The following UBE4A variants were observed in gnomAD, a reference collection of about 807,000 sequenced individuals.
UBE4A encodes ubiquitin conjugation factor E4 A.
UBE4A carries 48 observed loss-of-function variants against 117.9 expected under a neutral mutation model. The observed-to-expected ratio is 0.41, with a 90% CI of 0.32 to 0.52. UBE4A has a LOEUF of 0.52. UBE4A is among the 20% of genes least tolerant of loss of function. The probability of loss-of-function intolerance (pLI) is 0.33; values close to 1 mark genes in which losing one functional copy is unlikely to be tolerated. For synonymous variants in UBE4A, 407 were observed against 450.0 expected (o/e 0.90, Z 1.21); for missense variants, 1,067 against 1,296.3 (o/e 0.82, Z 2.72).
At chr11:118,372,794 T>G in intron 6 of UBE4A, 128 bp downstream of exon 6, 1 of 1,372,540 alleles carries the variant, frequency 7.3e-7, no homozygotes, top group Non-Finnish European at 1.0e-6. Flanking sequence ...GGCTCACATC[T>G]TGATCTTTGA....
At chr11:118,379,324 T>C in intron 10 of UBE4A, 122 bp from the exon 11 acceptor site, 1 of 1,117,252 alleles carries the variant, frequency 9.0e-7, no homozygotes, top group Non-Finnish European at 1.3e-6. Flanking sequence ...GTGCCTTCTG[T>C]GTCATTGCAA....
Position 118,365,051 on chromosome 11 carries a change from A to G in UBE4A, c.-30A>G, listed in dbSNP as rs1948551655. On this transcript the variant is annotated 5_prime_UTR_variant, in exon 2 of 20. Coordinates refer to ENST00000252108, the MANE Select transcript of UBE4A (RefSeq NM_001204077.2). ...TGTCCTTTGAACAGCCTCTCCCACTAGGTCTGGATGGAGGATACCTTAAAG... is the reference window on the plus strand; with the variant it reads ...TGTCCTTTGAACAGCCTCTCCCACTGGGTCTGGATGGAGGATACCTTAAAG... The G allele has an allele frequency of 4.4e-6, 7 of 1,608,716 alleles. No homozygotes were observed. The highest frequency in any genetic ancestry group is 5.9e-6 in the Non-Finnish European group (7 of 1,177,588).
intron 19 of UBE4A, among the ~76,000 whole-genome samples, chr11:118,393,643 T>C (rs541845651): frequency 3.2e-4 from 49 of 151,978 alleles, no homozygotes; most frequent in African/African-American, 1.1e-3. Context: ...TCACCAAGGC[T>C]AGAGTGCAGT....
In UBE4A at chr11:118,374,902, G is replaced by T; in HGVS notation, c.1123G>T (p.Ala375Ser). Residue 375 changes from alanine to serine, a missense_variant, in exon 9 of 20, where the codon GCT becomes TCT. Around this residue, in one of 3 missense-constraint regions of UBE4A, gnomAD observed 1,001 missense variants for 1,184.0 expected, o/e 0.85. Coordinates refer to ENST00000252108, the MANE Select transcript of UBE4A (RefSeq NM_001204077.2). Reference protein sequence around the residue: ...VQEANIHQFMAQFHEKIYQML... With the variant: ...VQEANIHQFMSQFHEKIYQML... Reference sequence around the variant, plus strand: ...GTGTTTTCTGGTTGAACAGTTCATGGCTCAGTTCCACGAAAAGATCTACCA... The same window carrying T: ...GTGTTTTCTGGTTGAACAGTTCATGTCTCAGTTCCACGAAAAGATCTACCA... 2 of 1,532,114 alleles carry T rather than the reference G, an allele frequency of 1.3e-6. No homozygotes were observed. Among genetic ancestry groups the T allele is most frequent in the Non-Finnish European group, 1.8e-6 (2 of 1,138,120 alleles). 94.9% of individuals were successfully genotyped at this position (1,532,114 alleles called of 1,614,324 possible). A position where few individuals can be genotyped will look rare whatever the true frequency, so the allele number is the denominator to read the frequency against.
chr11:118,367,079 C>T (rs1207362828), intron 2 of UBE4A, among the ~76,000 whole-genome samples: 1 of 152,010 alleles, frequency 6.6e-6, no homozygotes, highest in Non-Finnish European at 1.5e-5. Context: ...TGGTGGGCGC[C>T]TGTAGTCCCA....
Position 118,396,547 on chromosome 11 carries a change from C to CTT in UBE4A, c.*124_*125dup, listed in dbSNP as rs5795126. The CTT allele has an allele frequency of 0.011, 8,906 of 813,176 alleles. 2 individuals are homozygous for CTT. The highest frequency in any genetic ancestry group is 0.019 in the South Asian group (840 of 43,566). The allele number at this position is 813,176 out of a possible 1,614,324, so 50.4% of individuals were successfully genotyped here. On this transcript the variant is annotated 3_prime_UTR_variant, in exon 20 of 20. Transcript: ENST00000252108. ...TCCTTTTCTTTCTTCTTTTCTTTTT[C>CTT]TTTTTTTTTTTTTTTTTTACTAAAT...
chr11:118,384,027 G>A (rs1235379480), intron 13 of UBE4A, among the ~76,000 whole-genome samples: 1 of 152,198 alleles, frequency 6.6e-6, no homozygotes, highest in African/African-American at 2.4e-5. Flanking sequence ...AGTGGAAGCT[G>A]AAGAAGATTA....
chr11:118,366,965 A>G (rs1054010741), intron 2 of UBE4A, among the ~76,000 whole-genome samples: 2 of 152,210 alleles, frequency 1.3e-5, no homozygotes, highest in Non-Finnish European at 2.9e-5. Flanking sequence ...GCACTCTGGG[A>G]GGCCAAGGTG....
intron 19 of UBE4A, among the ~76,000 whole-genome samples, chr11:118,394,458 G>A (rs1423280726): frequency 6.6e-6 from 1 of 152,090 alleles, no homozygotes; most frequent in Admixed American, 6.5e-5. Context: ...ACCTTGTTTG[G>A]CCTCTCCATA....
intron 15 of UBE4A, among the ~76,000 whole-genome samples, 176 bp from the exon 16 acceptor site, chr11:118,386,262 T>C (rs937861338): frequency 3.3e-5 from 5 of 152,220 alleles, no homozygotes; most frequent in Non-Finnish European, 5.9e-5. Flanking sequence ...ATTTCTTTTT[T>C]TCCTGAAAGT....
At chr11:118,390,484 A>G (rs997459445) in intron 17 of UBE4A, among the ~76,000 whole-genome samples, 173 bp from the exon 18 acceptor site, 4 of 145,422 alleles carry the variant, frequency 2.8e-5, no homozygotes, top group Non-Finnish European at 6.0e-5. Flanking sequence ...AATAATAAAT[A>G]ATAAAATAAT....
intron 2 of UBE4A, among the ~76,000 whole-genome samples, chr11:118,368,101 A>C (rs1451571369): frequency 1.3e-5 from 2 of 152,212 alleles, no homozygotes; most frequent in African/African-American, 4.8e-5. Context: ...AGCTGAAAAG[A>C]GCTATGTATA....
chr11:118,369,613 C>T (rs1948592503), intron 4 of UBE4A, 78 bp downstream of exon 4: 1 of 919,058 alleles, frequency 1.1e-6, no homozygotes, highest in Non-Finnish European at 1.7e-6. Flanking sequence ...TGTTCTCCAA[C>T]TTATGCTTGT....
intron 1 of UBE4A, among the ~76,000 whole-genome samples, chr11:118,361,878 G>A (rs1948523369): frequency 6.6e-6 from 1 of 152,176 alleles, no homozygotes; most frequent in East Asian, 1.9e-4. Flanking sequence ...TTGTGATTGT[G>A]ATGTATAATG....
chr11:118,382,893 C>A, intron 13 of UBE4A, 117 bp downstream of exon 13: 6 of 888,828 alleles, frequency 6.8e-6, no homozygotes, highest in South Asian at 4.1e-5. Flanking sequence ...TGAATACCTA[C>A]TATATGCCAG....
At chr11:118,373,951 A>G (rs551782988) in intron 8 of UBE4A, among the ~76,000 whole-genome samples, 104 of 152,110 alleles carry the variant, frequency 6.8e-4, no homozygotes, top group Non-Finnish European at 9.6e-4. Context: ...CATGTCTACA[A>G]AAAAATACAA....
intron 12 of UBE4A, among the ~76,000 whole-genome samples, chr11:118,381,935 A>C (rs1371194173): frequency 6.6e-6 from 1 of 152,172 alleles, no homozygotes; most frequent in Non-Finnish European, 1.5e-5. Flanking sequence ...AAGTTTTCTC[A>C]CTCATAGCTT....
intron 10 of UBE4A, among the ~76,000 whole-genome samples, chr11:118,377,807 C>T (rs1361371198): frequency 6.8e-6 from 1 of 146,426 alleles, no homozygotes; most frequent in Admixed American, 6.8e-5. Flanking sequence ...CAGCTACTCA[C>T]GAGGCTGAGG....
At chr11:118,385,450 A>G (rs1446484403) in intron 15 of UBE4A, among the ~76,000 whole-genome samples, 6 of 152,358 alleles carry the variant, frequency 3.9e-5, no homozygotes, top group Middle Eastern at 3.4e-3. Context: ...CAAGTTGTCA[A>G]TACTTCTCAT....
Sources: gnomAD v4.1 joint callset for allele counts (sites outside exome capture counted in the v4.1 genomes callset) on GRCh38, gnomAD v4.1.1 for gene constraint, gnomAD v4.1.1 regional missense constraint, MANE v1.5 for transcripts, NCBI Gene and HGNC (gene_info 2026-07-23, HGNC 2026-07-21) for gene names.